Variants in GNB5 observed in about 807,000 individuals in gnomAD.
GNB5 encodes G protein subunit beta 5.
Under a neutral mutation model 55.3 loss-of-function variants are expected in GNB5, and 37 were observed. The ratio of observed to expected loss-of-function variants is 0.67; its 90% CI spans 0.51 to 0.88. The LOEUF is 0.88. Ranked by LOEUF, GNB5 falls within the 40% of genes least tolerant of loss-of-function variation. GNB5 has a pLI of 0.00. For missense variants in GNB5, 476 were observed against 515.3 expected (o/e 0.92, Z 0.74); for synonymous variants, 219 against 198.5 (o/e 1.10, Z -0.87).
rs779486647 is a variant in GNB5 at position 52,141,252 on chromosome 15, G to C, written c.515C>G (p.Ser172Cys). The C allele has an allele frequency of 1.9e-6, 3 of 1,613,788 alleles. No homozygotes were observed. Among genetic ancestry groups the C allele is most frequent in the Non-Finnish European group, 2.5e-6 (3 of 1,179,738 alleles). ...TTTGTCAAACGTCAAGGGGTACACA[G>C]AACACTTATTATCCAAACCACTAGG... ...IACGGLDNKC[S>C]VYPLTFDKNE... is the part of the protein sequence containing the mutation. The change falls in exon 7 of 13, where the codon TCT becomes TGT. Residue 172 changes from serine (S) to cysteine (C), a missense_variant. Coordinates refer to ENST00000261837, the MANE Select transcript of GNB5 (RefSeq NM_016194.4).
Position 52,117,103 on chromosome 15 carries a change from T to TATATATATATATATATATATATATATA in GNB5, c.*5653_*5654insTATATATATATATATATATATATATAT, listed in dbSNP as rs1555403840. 4.6e-4 allele frequency: 44 copies of TATATATATATATATATATATATATATA among 95,908 alleles called. No homozygotes were observed. Among genetic ancestry groups the TATATATATATATATATATATATATATA allele is most frequent in the Admixed American group, 7.2e-4 (7 of 9,690 alleles). 5.9% of individuals were successfully genotyped at this position (95,908 alleles called of 1,614,324 possible). On this transcript the variant is annotated 3_prime_UTR_variant, in exon 13 of 13. Coordinates refer to ENST00000261837, the MANE Select transcript of GNB5 (RefSeq NM_016194.4). ...CACGCCCAGCTAATATATATATATA[T>TATATATATATATATATATATATATATA]TTTTTTTTAGTACAGACAGGGTTTC... is the stretch of plus-strand genomic sequence containing the variant.
chr15:52,117,102 A>ATATATATATATATATATATATATTTTTT lies in GNB5; in HGVS notation c.*5654_*5655insAAAAAATATATATATATATATATATATA. 3 of 87,102 alleles carry ATATATATATATATATATATATATTTTTT rather than the reference A, an allele frequency of 3.4e-5. No homozygotes were observed. The highest frequency in any genetic ancestry group is 1.8e-4 in the African/African-American group (3 of 16,420). 5.4% of individuals were successfully genotyped at this position (87,102 alleles called of 1,614,324 possible). A position where few individuals can be genotyped will look rare whatever the true frequency, so the allele number is the denominator to read the frequency against. On this transcript the variant is annotated 3_prime_UTR_variant, in exon 13 of 13. Transcript: ENST00000261837. ...CCACGCCCAGCTAATATATATATAT[A>ATATATATATATATATATATATATTTTTT]TTTTTTTTTAGTACAGACAGGGTTT...
At chr15:52,166,146 T>G (rs995723347) in intron 3 of GNB5, among the ~76,000 whole-genome samples, 1 of 152,228 alleles carries the variant, frequency 6.6e-6, no homozygotes, top group Middle Eastern at 3.4e-3. Flanking sequence ...AGCTAACTAT[T>G]CTAAATATAT....
rs1049736126 is a variant in GNB5, at chr15:52,122,181, C to G, written c.*576G>C. On this transcript the variant is annotated 3_prime_UTR_variant, in exon 13 of 13. Coordinates refer to ENST00000261837, the MANE Select transcript of GNB5 (RefSeq NM_016194.4). ...TTCACCATAGACAAAAATGTTGTAT[C>G]TGAAAAAAGACAATAGAACAGGAAG... 1 of 152,090 alleles carries G rather than the reference C, an allele frequency of 6.6e-6. No homozygotes were observed. The highest frequency in any genetic ancestry group is 2.4e-5 in the African/African-American group (1 of 41,396). 9.4% of individuals were successfully genotyped at this position (152,090 alleles called of 1,614,324 possible). A position where few individuals can be genotyped will look rare whatever the true frequency, so the allele number is the denominator to read the frequency against.
chr15:52,134,967 C>A (rs1465692663), intron 8 of GNB5, among the ~76,000 whole-genome samples: 2 of 152,092 alleles, frequency 1.3e-5, no homozygotes, highest in African/African-American at 2.4e-5. Flanking sequence ...TGCACTATGG[C>A]CAACTTATAG....
chr15:52,126,487 G>T (rs1469673227), intron 10 of GNB5, among the ~76,000 whole-genome samples: 1 of 152,064 alleles, frequency 6.6e-6, no homozygotes, highest in Admixed American at 6.6e-5. Flanking sequence ...GAATGGGTTG[G>T]ATGTTTCATT....
At position 52,158,226 on chromosome 15, in the gene GNB5, A is replaced by G. The variant is rs139948279; in HGVS notation, c.239-4150T>C. Among the ~76,000 whole-genome samples, 478 of 152,204 alleles carry G rather than the reference A, an allele frequency of 3.1e-3. 1 individual carries two copies. Among genetic ancestry groups the G allele is most frequent in the African/African-American group, 0.011 (456 of 41,514 alleles). ...TTGGGTCAAAGCCTGGCTCTGTCGC[A>G]CACCAGCTGCACAACCTCGAGCAAA... On this transcript the variant is annotated intron_variant, in intron 3 of 12. Transcript: ENST00000261837.
chr15:52,132,024 T>C (rs2033591265), intron 9 of GNB5, among the ~76,000 whole-genome samples: 1 of 152,220 alleles, frequency 6.6e-6, no homozygotes, highest in Non-Finnish European at 1.5e-5. Flanking sequence ...CAGTCTTCCC[T>C]GTCTTAGTAA....
chr15:52,138,611 C>T (rs1409533967), intron 7 of GNB5: 1 of 152,124 alleles, frequency 6.6e-6, no homozygotes, highest in Non-Finnish European at 1.5e-5. Flanking sequence ...AATTTGGGTA[C>T]TCATATTTTG....
intron 4 of GNB5, 125 bp from the exon 5 acceptor site, chr15:52,150,050 T>C (rs2034058772): frequency 8.3e-6 from 6 of 721,102 alleles, no homozygotes; most frequent in Non-Finnish European, 1.2e-5. Flanking sequence ...AGGATCTGGA[T>C]AATCAAGACC....
chr15:52,185,133 G>C (rs1367995602), intron 1 of GNB5, among the ~76,000 whole-genome samples: 2 of 152,282 alleles, frequency 1.3e-5, no homozygotes, highest in Non-Finnish European at 2.9e-5. Flanking sequence ...CCAGGGGCCT[G>C]AGTAAGTGTG....
intron 3 of GNB5, among the ~76,000 whole-genome samples, chr15:52,167,189 C>T (rs1178676243): frequency 6.6e-6 from 1 of 152,066 alleles, no homozygotes; most frequent in Non-Finnish European, 1.5e-5. Flanking sequence ...TAATAAATAG[C>T]CTACCAACAA....
intron 9 of GNB5, among the ~76,000 whole-genome samples, chr15:52,132,215 T>TGGC (rs2033595802): frequency 6.6e-6 from 1 of 152,184 alleles, no homozygotes; most frequent in Non-Finnish European, 1.5e-5. Flanking sequence ...CTGTGAGTAA[T>TGGC]AAACTGTCCT....
chr15:52,181,245 G>A (rs1294015203), intron 2 of GNB5: 1 of 152,224 alleles, frequency 6.6e-6, no homozygotes, highest in Non-Finnish European at 1.5e-5. Flanking sequence ...GCAGGTTAGA[G>A]TCTGGGATCC....
intron 6 of GNB5, among the ~76,000 whole-genome samples, chr15:52,142,673 C>A (rs1455424178): frequency 2.0e-5 from 3 of 152,078 alleles, no homozygotes; most frequent in Non-Finnish European, 4.4e-5. Context: ...AAAGACCTAA[C>A]CTCAGCCTTA....
Position 52,122,736 on chromosome 15 carries a change from G to A in GNB5, c.*21C>T, listed in dbSNP as rs781026237. ...AGATTTCAAATTCTCAGGTATACATGAGTGCACTGTCAGAAGATGATTAGG... is the reference window on the plus strand; with the variant it reads ...AGATTTCAAATTCTCAGGTATACATAAGTGCACTGTCAGAAGATGATTAGG... On this transcript the variant is annotated 3_prime_UTR_variant, in exon 13 of 13. Coordinates refer to ENST00000261837, the MANE Select transcript of GNB5 (RefSeq NM_016194.4). The A allele has an allele frequency of 1.3e-6, 2 of 1,571,730 alleles. No homozygotes were observed. Among genetic ancestry groups the A allele is most frequent in the Middle Eastern group, 3.4e-4 (2 of 5,970 alleles).
chr15:52,176,451 A>G lies in GNB5; in HGVS notation c.238+3317T>C, dbSNP rs575272521. 3.9e-5 allele frequency among the ~76,000 whole-genome samples: 6 copies of G among 152,318 alleles called. No individual in the cohort carries two copies. The East Asian group carries it at 1.2e-3, about 29-fold the overall frequency. On this transcript the variant is annotated intron_variant, in intron 3 of 12. Coordinates refer to ENST00000261837, the MANE Select transcript of GNB5 (RefSeq NM_016194.4). The stretch of plus-strand genomic sequence containing the variant: ...CAGGGCTCTAGCTTATACTTCCACA[A>G]GTAAAACTCATCAGCATCCTTTCCT...
Position 52,179,793 on chromosome 15 carries a change from C to T in GNB5, c.213G>A (p.Glu71=). The stretch of plus-strand genomic sequence containing the variant: ...GCTCCACATCGTGCAGCTTGGCTCG[C>T]TCCTCCTCCAGCTTGCCCTTGAGGC... The part of the protein sequence containing the change: ...AESLKGKLEE[E]RAKLHDVELH... Residue 71 remains glutamate (E), a synonymous_variant, in exon 3 of 13, where the codon GAG becomes GAA. Coordinates refer to ENST00000261837, the MANE Select transcript of GNB5 (RefSeq NM_016194.4). 6.5e-7 allele frequency: 1 copy of T among 1,544,226 alleles called. No homozygotes were observed. Among genetic ancestry groups the T allele is most frequent in the Non-Finnish European group, 8.7e-7 (1 of 1,147,122 alleles).
chr15:52,138,158 G>A (rs1044556678), intron 7 of GNB5, among the ~76,000 whole-genome samples: 2 of 151,814 alleles, frequency 1.3e-5, no homozygotes, highest in African/African-American at 4.8e-5. Context: ...TGAGGTGGGC[G>A]GATCACCCAA....
Sources: allele counts gnomAD v4.1 joint callset (sites outside exome capture counted in the v4.1 genomes callset), GRCh38; gene constraint gnomAD v4.1.1; transcripts MANE v1.5; gene names NCBI Gene and HGNC (gene_info 2026-07-23, HGNC 2026-07-21).